UPK1B: variants seen among roughly 807,000 people sequenced by gnomAD.
UPK1B encodes the protein uroplakin 1B.
A neutral mutation model predicts 34.2 loss-of-function variants in UPK1B; 28 were observed. That is an observed-to-expected ratio of 0.82 (90% CI 0.61 to 1.12). UPK1B has a LOEUF of 1.12. Among genes scored for constraint, UPK1B ranks in the 50% most tolerant of loss-of-function variants. The pLI, the probability that UPK1B is intolerant of heterozygous loss-of-function variation, is 0.00. For missense variants in UPK1B, 325 were observed against 320.9 expected, an observed-to-expected ratio of 1.01 and a Z score of -0.10; for synonymous variants, 81 against 110.4, an observed-to-expected ratio of 0.73 and a Z score of 1.67.
At chr3:119,197,373 T>A (rs747648283) in intron 6 of UPK1B, among the ~76,000 whole-genome samples, 7 of 152,098 alleles carry the variant, frequency 4.6e-5, no homozygotes, top group Non-Finnish European at 8.8e-5. Context: ...AAAATGGGGC[T>A]TCTGTCTGTG....
At chr3:119,175,288 A>G (rs552278915) in intron 1 of UPK1B, among the ~76,000 whole-genome samples, 124 of 152,054 alleles carry the variant, frequency 8.2e-4, no homozygotes, top group African/African-American at 2.9e-3. Flanking sequence ...CAGCCTCCCA[A>G]AGTGCTGAGA....
intron 1 of UPK1B, among the ~76,000 whole-genome samples, chr3:119,184,016 A>G (rs1341486130): frequency 6.6e-6 from 1 of 152,156 alleles, no homozygotes; most frequent in East Asian, 1.9e-4. Context: ...ACCTTCCAAT[A>G]ACCAACCCAC....
In UPK1B at chr3:119,199,074, C is replaced by T. The variant is rs1460611778; in HGVS notation, c.666C>T (p.Ile222=). 6.2e-7 allele frequency: 1 copy of T among 1,614,050 alleles called. No homozygotes were observed. Among genetic ancestry groups the T allele is most frequent in the African/African-American group, 1.3e-5 (1 of 74,910 alleles). ...FYHNQGCYEL[I]SGPMNRHAWG... The stretch of plus-strand genomic sequence containing the variant: ...TCCTTCAGGGCTGCTATGAACTGAT[C>T]TCTGGTCCAATGAACCGACACGCCT... The change falls in exon 7 of 8, where the codon ATC becomes ATT. Residue 222 remains isoleucine, a synonymous_variant. Transcript: ENST00000264234.
intron 1 of UPK1B, among the ~76,000 whole-genome samples, chr3:119,184,345 CTCTG>C (rs1196514849): frequency 6.6e-6 from 1 of 152,136 alleles, no homozygotes; most frequent in Non-Finnish European, 1.5e-5. Context: ...TCAGCGGTGC[CTCTG>C]TCTTTCTCCA....
chr3:119,179,354 T>G (rs1187268791), intron 1 of UPK1B, among the ~76,000 whole-genome samples: 12 of 14,526 alleles, frequency 8.3e-4, no homozygotes, highest in South Asian at 7.1e-3. Context: ...GAGAGGGAGA[T>G]ATATATATAT....
chr3:119,186,793 G>A lies in UPK1B; in HGVS notation c.52G>A (p.Gly18Arg), dbSNP rs1052873402. 1 of 1,613,978 alleles carries A rather than the reference G, an allele frequency of 6.2e-7. No individual in the cohort carries two copies. Among genetic ancestry groups the A allele is most frequent in the Non-Finnish European group, 8.5e-7 (1 of 1,179,956 alleles). ...TTGCTTCCAGGGCCTGCTGATTTTT[G>A]GAAATGTGATTATTGGTGTAAGTAA... ...VRCFQGLLIF[G>R]NVIIGCCGIA... The change falls in exon 2 of 8, where the codon GGA becomes AGA. Residue 18 changes from glycine (G) to arginine (R), a missense_variant. Transcript: ENST00000264234.
chr3:119,179,293 C>G (rs1421242254), intron 1 of UPK1B, among the ~76,000 whole-genome samples: 1 of 145,130 alleles, frequency 6.9e-6, no homozygotes, highest in Non-Finnish European at 1.5e-5. Context: ...TGCCACTGCA[C>G]TCCCTGGGTG....
chr3:119,175,152 C>T (rs893294089), intron 1 of UPK1B, among the ~76,000 whole-genome samples: 1 of 149,598 alleles, frequency 6.7e-6, no homozygotes, highest in African/African-American at 2.5e-5. Context: ...CTCAGCCTCC[C>T]GAGTAGCTGG....
chr3:119,173,929 A>G (rs1414130261), intron 1 of UPK1B, among the ~76,000 whole-genome samples: 2 of 152,208 alleles, frequency 1.3e-5, no homozygotes, highest in Non-Finnish European at 2.9e-5. Context: ...ATCCCCACAG[A>G]AAGAACAAGA....
chr3:119,176,806 G>A (rs7643453), intron 1 of UPK1B, among the ~76,000 whole-genome samples: 1 of 152,156 alleles, frequency 6.6e-6, no homozygotes, highest in Non-Finnish European at 1.5e-5. Flanking sequence ...TTAGAATAAC[G>A]TGGGGAGGGT....
Position 119,197,260 on chromosome 3 carries a change from G to A in UPK1B, c.649-1797G>A, listed in dbSNP as rs187155249. On this transcript the variant is annotated intron_variant, in intron 6 of 7. Coordinates refer to ENST00000264234, the MANE Select transcript of UPK1B (RefSeq NM_006952.4). ...GACTCAGAAATGCTATGTGCAAATT[G>A]TGATCACTATACCTCAAAAATGTTA... 3.3e-5 allele frequency among the ~76,000 whole-genome samples: 5 copies of A among 152,264 alleles called. No individual in the cohort carries two copies. The East Asian group carries it at 9.6e-4, about 29-fold the overall frequency.
At chr3:119,176,781 C>A (rs2077959057) in intron 1 of UPK1B, among the ~76,000 whole-genome samples, 1 of 152,152 alleles carries the variant, frequency 6.6e-6, no homozygotes, top group Non-Finnish European at 1.5e-5. Flanking sequence ...CCAATATAGT[C>A]AGGGAGGCAT....
intron 2 of UPK1B, 58 bp downstream of exon 2, chr3:119,186,868 G>T: frequency 1.3e-6 from 2 of 1,559,588 alleles, no homozygotes; most frequent in South Asian, 1.1e-5. Context: ...AATTCTAGAT[G>T]AATCAAAAGT....
At chr3:119,199,355 C>T (rs985976854) in intron 7 of UPK1B, among the ~76,000 whole-genome samples, 4 of 152,214 alleles carry the variant, frequency 2.6e-5, no homozygotes, top group African/African-American at 9.6e-5. Context: ...CTGTGCCCTG[C>T]CAACCAGCTC....
rs558537882 is a variant in UPK1B at position 119,199,197 on chromosome 3, G to A, written c.732+57G>A. On this transcript the variant is annotated intron_variant, in intron 7 of 7. Transcript: ENST00000264234. ...GAGGATGATCATACGGAGAGACCTT[G>A]AGAGTGCCACTGGTTACCTCAACCA... is the stretch of plus-strand genomic sequence containing the variant. 4.2e-5 allele frequency: 67 copies of A among 1,590,630 alleles called. No individual in the cohort carries two copies. In the African/African-American group the frequency reaches 7.9e-4, roughly 19 times the overall value.
At chr3:119,194,162 T>G in intron 5 of UPK1B, 57 bp from the exon 6 acceptor site, 1 of 1,491,452 alleles carries the variant, frequency 6.7e-7, no homozygotes. Context: ...AGTTGCTACA[T>G]TGATGGCTCT....
chr3:119,194,444 C>G lies in UPK1B; in HGVS notation c.648+46C>G, dbSNP rs1457999129. The G allele has an allele frequency of 8.5e-6, 13 of 1,526,012 alleles. No homozygotes were observed. The Admixed American group carries it at 1.0e-4, about 12-fold the overall frequency. The allele number at this position is 1,526,012 out of a possible 1,614,324, so 94.5% of individuals were successfully genotyped here. A position where few individuals can be genotyped will look rare whatever the true frequency, so the allele number is the denominator to read the frequency against. On this transcript the variant is annotated intron_variant, in intron 6 of 7. Coordinates refer to ENST00000264234, the MANE Select transcript of UPK1B (RefSeq NM_006952.4). ...AGACTTCCCAGGAGGTTCTGCTGCT[C>G]TTTATGAGAAAAATATTGGTCAACT...
intron 5 of UPK1B, among the ~76,000 whole-genome samples, chr3:119,191,567 T>C (rs533237610): frequency 6.6e-6 from 1 of 152,306 alleles, no homozygotes; most frequent in African/African-American, 2.4e-5. Flanking sequence ...TCTACATAAC[T>C]ACCAATCTGA....
chr3:119,194,422 C>A, intron 6 of UPK1B, 24 bp downstream of exon 6: 1 of 1,590,202 alleles, frequency 6.3e-7, no homozygotes, highest in South Asian at 1.1e-5. Flanking sequence ...CCTCCCAAGA[C>A]TTCCCAGGAG....
Sources: gnomAD v4.1 joint callset for allele counts (sites outside exome capture counted in the v4.1 genomes callset) on GRCh38, gnomAD v4.1.1 for gene constraint, MANE v1.5 for transcripts, NCBI Gene and HGNC (gene_info 2026-07-23, HGNC 2026-07-21) for gene names.